CHCHD6: variants seen among roughly 807,000 people sequenced by gnomAD.
CHCHD6 encodes the protein coiled-coil-helix-coiled-coil-helix domain containing 6, also known as MICOS complex subunit MIC25.
In CHCHD6, 28 loss-of-function variants were observed where a neutral mutation model predicts 32.3. That is an observed-to-expected ratio of 0.87 (90% CI 0.64 to 1.19). CHCHD6 has a LOEUF of 1.19. Ranked by LOEUF, CHCHD6 falls within the 50% of genes most tolerant of loss-of-function variation. CHCHD6 has a pLI of 0.00. For missense variants in CHCHD6, 333 were observed against 307.0 expected (o/e 1.08, Z -0.63); for synonymous variants, 122 against 117.5 (o/e 1.04, Z -0.25).
Position 126,960,274 on chromosome 3 carries a change from C to T in CHCHD6, c.*73C>T. ...AAGGGACCAATCATGGGACCACAGC[C>T]ACTGTGCCCTGCCGTTTCCTGCTGG... On this transcript the variant is annotated 3_prime_UTR_variant, in exon 8 of 8. Transcript: ENST00000290913. 6.5e-7 allele frequency: 1 copy of T among 1,532,380 alleles called. No homozygotes were observed. The highest frequency in any genetic ancestry group is 1.7e-4 in the Middle Eastern group (1 of 5,956). 94.9% of individuals were successfully genotyped at this position (1,532,380 alleles called of 1,614,324 possible). A position where few individuals can be genotyped will look rare whatever the true frequency, so the allele number is the denominator to read the frequency against.
intron 4 of CHCHD6, among the ~76,000 whole-genome samples, chr3:126,830,288 C>A (rs1940585419): frequency 6.6e-6 from 1 of 152,110 alleles, no homozygotes; most frequent in Admixed American, 6.5e-5. Flanking sequence ...GCCACTGGGC[C>A]CCACCTGGAT....
chr3:126,949,245 A>G (rs2107606790), intron 6 of CHCHD6: 1 of 157,380 alleles, frequency 6.4e-6, no homozygotes. Context: ...AACAGTCTGC[A>G]TTTCCTATCT....
intron 5 of CHCHD6, among the ~76,000 whole-genome samples, chr3:126,861,664 A>G (rs1576509382): frequency 4.6e-5 from 6 of 130,884 alleles, no homozygotes; most frequent in Admixed American, 3.8e-4. Context: ...CCCCTCCTCT[A>G]CCATCACCAC....
At chr3:126,783,094 T>C (rs1938030289) in intron 4 of CHCHD6, among the ~76,000 whole-genome samples, 2 of 152,168 alleles carry the variant, frequency 1.3e-5, no homozygotes, top group Non-Finnish European at 2.9e-5. Flanking sequence ...TTGACCTACC[T>C]CTCCCCTACC....
At chr3:126,732,363 A>G (rs1347651145) in intron 3 of CHCHD6, among the ~76,000 whole-genome samples, 1 of 152,168 alleles carries the variant, frequency 6.6e-6, no homozygotes, top group Non-Finnish European at 1.5e-5. Context: ...TTCACTTAGT[A>G]TTATAATGAT....
chr3:126,850,708 C>G (rs1436526287), intron 4 of CHCHD6, among the ~76,000 whole-genome samples: 1 of 152,150 alleles, frequency 6.6e-6, no homozygotes, highest in Non-Finnish European at 1.5e-5. Context: ...AATGACAGGT[C>G]CAGAGCCCTC....
chr3:126,921,749 T>TAC (rs2078251239), intron 6 of CHCHD6, among the ~76,000 whole-genome samples: 1 of 152,244 alleles, frequency 6.6e-6, no homozygotes, highest in Non-Finnish European at 1.5e-5. Context: ...GCAGAGCTGC[T>TAC]GTAGTGCTTT....
intron 4 of CHCHD6, among the ~76,000 whole-genome samples, chr3:126,758,972 T>C (rs1444839429): frequency 6.6e-6 from 1 of 152,252 alleles, no homozygotes; most frequent in African/African-American, 2.4e-5. Context: ...CTGCTTTGGA[T>C]CGCATCTGTG....
chr3:126,925,028 G>A (rs2078302672), intron 6 of CHCHD6, among the ~76,000 whole-genome samples: 1 of 152,226 alleles, frequency 6.6e-6, no homozygotes, highest in African/African-American at 2.4e-5. Context: ...GAAGCTTGCA[G>A]CAGTCAGTAT....
intron 5 of CHCHD6, among the ~76,000 whole-genome samples, chr3:126,891,736 G>A (rs1461911395): frequency 6.6e-6 from 1 of 152,104 alleles, no homozygotes; most frequent in East Asian, 1.9e-4. Context: ...TGTGTTTGGG[G>A]TAATGACACC....
intron 5 of CHCHD6, among the ~76,000 whole-genome samples, chr3:126,901,805 C>T (rs1192787091): frequency 6.6e-6 from 1 of 152,192 alleles, no homozygotes; most frequent in African/African-American, 2.4e-5. Context: ...TAGAGGGTCA[C>T]GGTTCTTCTG....
chr3:126,866,550 T>C (rs1942294481), intron 5 of CHCHD6, among the ~76,000 whole-genome samples: 1 of 152,228 alleles, frequency 6.6e-6, no homozygotes, highest in South Asian at 2.1e-4. Flanking sequence ...TAGGGAGCAG[T>C]CAGAATTTGC....
intron 1 of CHCHD6, among the ~76,000 whole-genome samples, chr3:126,717,164 G>T (rs1248264616): frequency 6.6e-6 from 1 of 152,116 alleles, no homozygotes; most frequent in African/African-American, 2.4e-5. Flanking sequence ...TCTCTACCTT[G>T]GTTTTCTCAA....
chr3:126,955,605 G>A (rs1423134067), intron 6 of CHCHD6, among the ~76,000 whole-genome samples: 1 of 152,098 alleles, frequency 6.6e-6, no homozygotes, highest in Non-Finnish European at 1.5e-5. Context: ...AGTCACAGGC[G>A]GCTGCACCCC....
At chr3:126,863,293 A>ACCT (rs1204625102) in intron 5 of CHCHD6, among the ~76,000 whole-genome samples, 47 of 106,216 alleles carry the variant, frequency 4.4e-4, no homozygotes, top group Non-Finnish European at 6.2e-4. Context: ...CATCATCACC[A>ACCT]CCTCCTCCTC....
intron 6 of CHCHD6, among the ~76,000 whole-genome samples, chr3:126,922,033 T>G (rs2078257794): frequency 6.6e-6 from 1 of 152,214 alleles, no homozygotes; most frequent in Non-Finnish European, 1.5e-5. Context: ...TTGATGACCT[T>G]TTAAAGGAAA....
intron 5 of CHCHD6, among the ~76,000 whole-genome samples, chr3:126,886,576 A>G (rs929396565): frequency 6.6e-6 from 1 of 151,994 alleles, no homozygotes; most frequent in Non-Finnish European, 1.5e-5. Context: ...TCCCATTGTG[A>G]CTCTGTTTCC....
At chr3:126,765,815 C>G (rs1283947466) in intron 4 of CHCHD6, among the ~76,000 whole-genome samples, 2 of 152,192 alleles carry the variant, frequency 1.3e-5, no homozygotes, top group Admixed American at 1.3e-4. Flanking sequence ...ATATAAATGG[C>G]TAAACACAGA....
At chr3:126,836,749 G>A (rs146058454) in intron 4 of CHCHD6, among the ~76,000 whole-genome samples, 244 of 152,320 alleles carry the variant, frequency 1.6e-3, no homozygotes, top group African/African-American at 5.1e-3. Context: ...GGCTGAGCTA[G>A]GTATGCCTGT....
Sources: allele counts gnomAD v4.1 joint callset (sites outside exome capture counted in the v4.1 genomes callset), GRCh38; gene constraint gnomAD v4.1.1; transcripts MANE v1.5; gene names NCBI Gene and HGNC (gene_info 2026-07-23, HGNC 2026-07-21).